The following HTT variants were observed in gnomAD, a reference collection of about 807,000 sequenced individuals.
HTT encodes huntington disease protein.
In HTT, 104 loss-of-function variants were observed where a neutral mutation model predicts 362.3. The ratio of observed to expected loss-of-function variants is 0.29; its 90% CI spans 0.24 to 0.34. The LOEUF (loss-of-function observed/expected upper bound fraction) is 0.34. Ranked by LOEUF, HTT falls within the 10% of genes least tolerant of loss-of-function variation. The pLI is 1.00. For missense variants in HTT, 3,301 were observed against 3,928.6 expected (o/e 0.84, Z 4.27); for synonymous variants, 1,577 against 1,548.7 (o/e 1.02, Z -0.43).
chr4:3,108,259 G>A (rs1414614225), intron 6 of HTT, among the ~76,000 whole-genome samples: 1 of 152,190 alleles, frequency 6.6e-6, no homozygotes, highest in Non-Finnish European at 1.5e-5. Context: ...TAAACTGTTA[G>A]CCTCTCTCAT....
intron 2 of HTT, among the ~76,000 whole-genome samples, chr4:3,089,149 A>G (rs1436674577): frequency 6.6e-6 from 1 of 152,230 alleles, no homozygotes; most frequent in African/African-American, 2.4e-5. Context: ...ATCAGATGGT[A>G]CATGTGAAAC....
chr4:3,178,759 T>C (rs1019697737), intron 35 of HTT, among the ~76,000 whole-genome samples: 1 of 152,242 alleles, frequency 6.6e-6, no homozygotes, highest in Non-Finnish European at 1.5e-5. Context: ...CTTCACTTGA[T>C]CTTAGCCAAA....
intron 2 of HTT, among the ~76,000 whole-genome samples, chr4:3,089,780 T>C (rs1391802691): frequency 6.6e-6 from 1 of 152,222 alleles, no homozygotes; most frequent in Non-Finnish European, 1.5e-5. Flanking sequence ...TATTCATATA[T>C]TAGTAAAGTA....
chr4:3,127,841 G>T (rs760363780), intron 12 of HTT, among the ~76,000 whole-genome samples: 1 of 151,880 alleles, frequency 6.6e-6, no homozygotes. Flanking sequence ...GCACATGTCT[G>T]TAGTCCCAGC....
chr4:3,235,693 C>G lies in HTT; in HGVS notation c.8700C>G (p.Val2900=). ...CCCGCCTGGATGCAGAATCGCTGGTCAAGCTGAGTGTGGACAGAGTGAACG... is the reference window on the plus strand; with the variant it reads ...CCCGCCTGGATGCAGAATCGCTGGTGAAGCTGAGTGTGGACAGAGTGAACG... ...QLSRLDAESL[V]KLSVDRVNVH... Residue 2900 remains valine (V), a synonymous_variant, in exon 63 of 67, where the codon GTC becomes GTG. Transcript: ENST00000355072. 1 of 1,613,432 alleles carries G rather than the reference C, an allele frequency of 6.2e-7. No individual in the cohort carries two copies. Among genetic ancestry groups the G allele is most frequent in the South Asian group, 1.1e-5 (1 of 91,082 alleles).
At chr4:3,087,284 A>G (rs181929996) in intron 2 of HTT, among the ~76,000 whole-genome samples, 1 of 152,346 alleles carries the variant, frequency 6.6e-6, no homozygotes. Flanking sequence ...TTTAGTTAAC[A>G]CCCTTAGCAA....
Position 3,212,116 on chromosome 4 carries a change from A to C in HTT, c.6602A>C (p.Tyr2201Ser). 1.2e-6 allele frequency: 2 copies of C among 1,613,512 alleles called. No homozygotes were observed. The highest frequency in any genetic ancestry group is 1.7e-6 in the Non-Finnish European group (2 of 1,179,502). ...GAGCTGCCTGCAGAGCCGGCGGCCT[A>C]CTGGAGCAAGTTGAATGATCTGTTT... ...QPELPAEPAA[Y>S]WSKLNDLFGD... Residue 2201 changes from tyrosine to serine, a missense_variant, in exon 48 of 67, where the codon TAC becomes TCC. By Grantham distance (144) the Tyr-to-Ser change is moderately radical. Transcript: ENST00000355072.
chr4:3,211,795 T>G, intron 47 of HTT, 134 bp from the exon 48 acceptor site: 1 of 634,906 alleles, frequency 1.6e-6, no homozygotes, highest in Non-Finnish European at 2.7e-6. Flanking sequence ...CTTAAAAATA[T>G]TTTTGATGGT....
At chr4:3,135,864 T>C (rs1248449970) in intron 19 of HTT, 40 bp from the exon 20 acceptor site, 1 of 1,533,586 alleles carries the variant, frequency 6.5e-7, no homozygotes, top group South Asian at 1.2e-5. Context: ...GTTTACTGAG[T>C]AACTAAATGA....
intron 21 of HTT, 25 bp downstream of exon 21, chr4:3,136,351 T>A (rs772177144): frequency 7.4e-7 from 1 of 1,357,204 alleles, no homozygotes; most frequent in Middle Eastern, 1.9e-4. Flanking sequence ...TTTATCTCTT[T>A]TCCTTTTTTG....
chr4:3,176,027 T>TTGG lies in HTT; in HGVS notation c.4407+921_4407+922insGGT, dbSNP rs1351503682. On this transcript the variant is annotated intron_variant, in intron 33 of 66. Coordinates refer to ENST00000355072, the MANE Select transcript of HTT (RefSeq NM_001388492.1). The stretch of plus-strand genomic sequence containing the variant: ...TGTTTTTTTTGTTGTTGTTGTTTGT[T>TTGG]TTTTTTTGTTTTTTTTTTGAGATGG... 6.3e-4 allele frequency among the ~76,000 whole-genome samples: 90 copies of TTGG among 141,972 alleles called. 1 individual carries two copies. Among genetic ancestry groups the TTGG allele is most frequent in the African/African-American group, 2.6e-3 (85 of 32,984 alleles). The allele number at this position is 141,972 out of a possible 152,430, so 93.1% of individuals were successfully genotyped here.
intron 26 of HTT, 87 bp downstream of exon 26, chr4:3,148,294 T>G: frequency 1.0e-6 from 1 of 993,050 alleles, no homozygotes; most frequent in African/African-American, 1.6e-5. Context: ...TGTCCCTTCT[T>G]TATTCTCTTT....
rs766772445 is a variant in HTT, at chr4:3,228,965, G to C, written c.8065G>C (p.Ala2689Pro). 1 of 1,613,710 alleles carries C rather than the reference G, an allele frequency of 6.2e-7. No homozygotes were observed. Among genetic ancestry groups the C allele is most frequent in the Non-Finnish European group, 8.5e-7 (1 of 1,179,788 alleles). The change falls in exon 59 of 67, where the codon GCC becomes CCC. Residue 2689 changes from alanine (A) to proline (P), a missense_variant. Ala to Pro is a conservative substitution (Grantham distance 27). Coordinates refer to ENST00000355072, the MANE Select transcript of HTT (RefSeq NM_001388492.1). This position sits in a 1 kb window ranked among gnomAD's most constrained non-coding sequence, Gnocchi z 4.3. The part of the protein sequence containing the change: ...YSRWILPSSS[A>P]RRTPAILISE... ...CCGCTGGATCCTGCCGTCCAGCTCA[G>C]CCAGGAGGACCCCGGCCATCCTGAT...
At chr4:3,087,526 A>G (rs1341221879) in intron 2 of HTT, among the ~76,000 whole-genome samples, 2 of 152,064 alleles carry the variant, frequency 1.3e-5, no homozygotes, top group South Asian at 4.1e-4. Flanking sequence ...GATCTTTCTC[A>G]CTGGGATGAA....
At chr4:3,145,066 G>C in intron 23 of HTT, 86 bp from the exon 24 acceptor site, 1 of 1,007,092 alleles carries the variant, frequency 9.9e-7, no homozygotes. Context: ...CTCATTGTTT[G>C]TACTTTTTAT....
intron 26 of HTT, among the ~76,000 whole-genome samples, 172 bp downstream of exon 26, chr4:3,148,379 C>T (rs1716711942): frequency 1.3e-5 from 2 of 152,198 alleles, no homozygotes; most frequent in South Asian, 2.1e-4. Context: ...TGGATGGGTG[C>T]AGTGGCTCGT....
In HTT at chr4:3,242,206, T is replaced by A. The variant is rs1239699020; in HGVS notation, c.*2147T>A. 2.0e-5 allele frequency: 3 copies of A among 152,198 alleles called. No homozygotes were observed. The highest frequency in any genetic ancestry group is 4.4e-5 in the Non-Finnish European group (3 of 68,038). 9.4% of individuals were successfully genotyped at this position (152,198 alleles called of 1,614,324 possible). A position where few individuals can be genotyped will look rare whatever the true frequency, so the allele number is the denominator to read the frequency against. ...GCCATTCCCTTGGAATGCATATCGC[T>A]GGGCTCAACATAGAGTTTGTCTTCC... On this transcript the variant is annotated 3_prime_UTR_variant, in exon 67 of 67. Transcript: ENST00000355072.
rs936795251 is a variant in HTT, at chr4:3,074,701, A to G, written c.-125A>G. 4.8e-6 allele frequency: 5 copies of G among 1,048,306 alleles called. No homozygotes were observed. The highest frequency in any genetic ancestry group is 6.5e-6 in the Non-Finnish European group (5 of 771,154). The allele number at this position is 1,048,306 out of a possible 1,614,324, so 64.9% of individuals were successfully genotyped here. The stretch of plus-strand genomic sequence containing the variant: ...TGGGGGCTGCCGGGACGGGTCCAAG[A>G]TGGACGGCCGCTCAGGTTCTGCTTT... On this transcript the variant is annotated 5_prime_UTR_variant, in exon 1 of 67. An upstream start codon of the reference 5' UTR is lost. Coordinates refer to ENST00000355072, the MANE Select transcript of HTT (RefSeq NM_001388492.1).
intron 8 of HTT, among the ~76,000 whole-genome samples, chr4:3,117,392 G>A (rs1715082871): frequency 6.6e-6 from 1 of 151,530 alleles, no homozygotes; most frequent in Non-Finnish European, 1.5e-5. Context: ...ACATACAAAA[G>A]TATCAACTCA....
Sources: allele counts gnomAD v4.1 joint callset (sites outside exome capture counted in the v4.1 genomes callset), GRCh38; gene constraint gnomAD v4.1.1; non-coding constraint Gnocchi (gnomAD v3.1); transcripts MANE v1.5; gene names NCBI Gene and HGNC (gene_info 2026-07-23, HGNC 2026-07-21).